Variants in TRAF3 observed in about 807,000 individuals in gnomAD.
TRAF3 encodes the protein TNF receptor-associated factor 3.
Under a neutral mutation model 62.3 loss-of-function variants are expected in TRAF3, and 13 were observed. The ratio of observed to expected loss-of-function variants is 0.21; its 90% CI spans 0.14 to 0.33. The LOEUF (loss-of-function observed/expected upper bound fraction) is 0.33, where lower values mean the gene tolerates loss of function less well. Among genes scored for constraint, TRAF3 ranks in the 10% least tolerant of loss-of-function variants. The pLI is 1.00. For synonymous variants in TRAF3, 269 were observed against 283.4 expected (o/e 0.95, Z 0.51); for missense variants, 440 against 741.8 (o/e 0.59, Z 4.73).
chr14:102,843,168 A>C (rs1465960600), intron 2 of TRAF3, among the ~76,000 whole-genome samples: 1 of 151,222 alleles, frequency 6.6e-6, no homozygotes, highest in Non-Finnish European at 1.5e-5. Context: ...GTGCCACTGC[A>C]CTCTAGCCTG....
At chr14:102,904,954 A>G (rs1405915859) in intron 11 of TRAF3, among the ~76,000 whole-genome samples, 1 of 152,012 alleles carries the variant, frequency 6.6e-6, no homozygotes, top group African/African-American at 2.4e-5. Flanking sequence ...CCTACTAAAA[A>G]TACAAAAATT....
In TRAF3 at chr14:102,859,587, C is replaced by T. The variant is rs578137442; in HGVS notation, c.-17-10598C>T. Among the ~76,000 whole-genome samples, 15 of 152,258 alleles carry T rather than the reference C, an allele frequency of 9.9e-5. No individual in the cohort carries two copies. The South Asian group carries it at 2.5e-3, about 25-fold the overall frequency. On this transcript the variant is annotated intron_variant, in intron 2 of 11. Coordinates refer to ENST00000392745, the MANE Select transcript of TRAF3 (RefSeq NM_145725.3). ...AAAATTTGACCTGCCTGATTTAGAC[C>T]GAATGTCTTTATTTTACCAATAATC...
rs970189370 is a variant in TRAF3 at position 102,910,667 on chromosome 14, C to T, written c.*4883C>T. On this transcript the variant is annotated 3_prime_UTR_variant, in exon 12 of 12. Coordinates refer to ENST00000392745, the MANE Select transcript of TRAF3 (RefSeq NM_145725.3). ...CGGTGGCAGGGCAGACGTGTGAAGCCTCGGCCGTCTCGGGGCTGGCAGGTG... is the reference window on the plus strand; with the variant it reads ...CGGTGGCAGGGCAGACGTGTGAAGCTTCGGCCGTCTCGGGGCTGGCAGGTG... 3 of 152,282 alleles carry T rather than the reference C, an allele frequency of 2.0e-5. No homozygotes were observed. The highest frequency in any genetic ancestry group is 2.9e-5 in the Non-Finnish European group (2 of 68,110). The allele number at this position is 152,282 out of a possible 1,614,324, so 9.4% of individuals were successfully genotyped here. A position where few individuals can be genotyped will look rare whatever the true frequency, so the allele number is the denominator to read the frequency against.
At chr14:102,846,458 G>T (rs1050557372) in intron 2 of TRAF3, among the ~76,000 whole-genome samples, 4 of 151,938 alleles carry the variant, frequency 2.6e-5, no homozygotes, top group African/African-American at 9.7e-5. Flanking sequence ...GTTATGTTTG[G>T]TAGGGCTGCA....
chr14:102,777,787 C>T (rs1437086044), intron 1 of TRAF3, 112 bp downstream of exon 1: 3 of 142,790 alleles, frequency 2.1e-5, no homozygotes, highest in South Asian at 2.1e-4. Context: ...CGGGGCTGCC[C>T]GGCGCGGGCC....
Position 102,882,946 on chromosome 14 carries a change from C to T in TRAF3, c.571-3243C>T, listed in dbSNP as rs150356421. 9.9e-4 allele frequency among the ~76,000 whole-genome samples: 150 copies of T among 152,274 alleles called. 2 individuals carry two copies. The highest frequency in any genetic ancestry group is 6.8e-3 in the Middle Eastern group (2 of 294). On this transcript the variant is annotated intron_variant, in intron 6 of 11. Coordinates refer to ENST00000392745, the MANE Select transcript of TRAF3 (RefSeq NM_145725.3). ...TTCTGGACCATCATTCTTTAAACAG[C>T]TCTGTTAACTTGTGAAGGTCAGGAT... is the stretch of plus-strand genomic sequence containing the variant.
intron 1 of TRAF3, among the ~76,000 whole-genome samples, chr14:102,799,890 G>T (rs765577525): frequency 2.0e-5 from 3 of 152,160 alleles, no homozygotes; most frequent in Admixed American, 1.3e-4. Context: ...TGATTCCAAG[G>T]GAGGGTGAAA....
chr14:102,828,023 C>T (rs1038169403), intron 1 of TRAF3, among the ~76,000 whole-genome samples: 2 of 152,252 alleles, frequency 1.3e-5, no homozygotes, highest in African/African-American at 2.4e-5. Flanking sequence ...GGAGAGGGGG[C>T]GTCGTAGCGC....
chr14:102,792,922 A>G (rs1049331169), intron 1 of TRAF3, among the ~76,000 whole-genome samples: 3 of 150,938 alleles, frequency 2.0e-5, no homozygotes, highest in Admixed American at 6.6e-5. Context: ...GGTCACTGCA[A>G]CCTCAGCCTC....
chr14:102,783,585 A>C (rs2140058770), intron 1 of TRAF3, among the ~76,000 whole-genome samples: 1 of 152,326 alleles, frequency 6.6e-6, no homozygotes, highest in Non-Finnish European at 1.5e-5. Context: ...TTTATCTTAA[A>C]ATTTAATGTG....
intron 1 of TRAF3, among the ~76,000 whole-genome samples, chr14:102,794,409 C>G (rs954375372): frequency 1.3e-5 from 2 of 152,224 alleles, no homozygotes; most frequent in Admixed American, 1.3e-4. Context: ...TCTTGAACTC[C>G]TGGGTTCAAA....
At chr14:102,829,057 T>C (rs1900500983) in intron 1 of TRAF3, among the ~76,000 whole-genome samples, 2 of 152,242 alleles carry the variant, frequency 1.3e-5, no homozygotes, top group Admixed American at 1.3e-4. Context: ...AGCTGGGTGC[T>C]ACCTCCAGCT....
At chr14:102,795,068 T>C (rs919838939) in intron 1 of TRAF3, among the ~76,000 whole-genome samples, 1 of 152,230 alleles carries the variant, frequency 6.6e-6, no homozygotes, top group Non-Finnish European at 1.5e-5. Flanking sequence ...CTAAAGTTCC[T>C]TTCCTTTACT....
At chr14:102,892,682 G>C (rs2139951498) in intron 9 of TRAF3, among the ~76,000 whole-genome samples, 1 of 152,352 alleles carries the variant, frequency 6.6e-6, no homozygotes. Context: ...TGAATGTCTT[G>C]TTTCCAGTGT....
chr14:102,831,506 G>A (rs986168329), intron 2 of TRAF3, among the ~76,000 whole-genome samples: 5 of 152,340 alleles, frequency 3.3e-5, no homozygotes, highest in Non-Finnish European at 7.3e-5. Flanking sequence ...AACTGTTGCA[G>A]ATAGAGCGTG....
At chr14:102,885,301 A>T (rs1889314021) in intron 6 of TRAF3, among the ~76,000 whole-genome samples, 1 of 152,154 alleles carries the variant, frequency 6.6e-6, no homozygotes. Context: ...CAGAACAGCA[A>T]CATAACTGGA....
intron 1 of TRAF3, among the ~76,000 whole-genome samples, chr14:102,821,765 C>T (rs781161711): frequency 3.6e-4 from 55 of 152,226 alleles, no homozygotes; most frequent in African/African-American, 1.1e-3. Flanking sequence ...GTTTTGTGGC[C>T]GGGCACGGTG....
rs1013419698 is a variant in TRAF3 at position 102,851,173 on chromosome 14, T to C, written c.-17-19012T>C. On this transcript the variant is annotated intron_variant, in intron 2 of 11. Coordinates refer to ENST00000392745, the MANE Select transcript of TRAF3 (RefSeq NM_145725.3). The stretch of plus-strand genomic sequence containing the variant: ...TTCTTTATCAGCACAATAATTATTA[T>C]AAATATTGTAGAATTGCCATTAACT... Among the ~76,000 whole-genome samples the C allele has an allele frequency of 5.3e-5, 8 of 152,236 alleles. No homozygotes were observed. In the South Asian group the frequency reaches 1.7e-3, roughly 32 times the overall value.
intron 1 of TRAF3, among the ~76,000 whole-genome samples, chr14:102,813,662 G>A (rs1355942172): frequency 6.6e-6 from 1 of 151,850 alleles, no homozygotes; most frequent in Non-Finnish European, 1.5e-5. Context: ...TGTTGGCCAG[G>A]CTGGTCTTGA....
Sources: gnomAD v4.1 joint callset for allele counts (sites outside exome capture counted in the v4.1 genomes callset) on GRCh38, gnomAD v4.1.1 for gene constraint, MANE v1.5 for transcripts, NCBI Gene and HGNC (gene_info 2026-07-23, HGNC 2026-07-21) for gene names.